The following SGCD variants were observed in gnomAD, a reference collection of about 807,000 sequenced individuals.
SGCD encodes the protein sarcoglycan delta, also known as delta-sarcoglycan.
In SGCD, 18 loss-of-function variants were observed where a neutral mutation model predicts 36.6. The observed-to-expected ratio is 0.49, with a 90% CI of 0.34 to 0.73. SGCD has a LOEUF of 0.73. SGCD is among the 30% of genes least tolerant of loss of function. SGCD has a pLI of 0.01. For synonymous variants in SGCD, 133 were observed against 130.6 expected, an observed-to-expected ratio of 1.02 and a Z score of -0.12; for missense variants, 387 against 346.7, an observed-to-expected ratio of 1.12 and a Z score of -0.92.
At chr5:156,490,685 A>T (rs1420487155) in intron 3 of SGCD, among the ~76,000 whole-genome samples, 1 of 151,974 alleles carries the variant, frequency 6.6e-6, no homozygotes, top group African/African-American at 2.4e-5. Context: ...CCAATAAATT[A>T]GGCATAGAAG....
intron 3 of SGCD, among the ~76,000 whole-genome samples, chr5:156,281,678 A>G (rs1362565273): frequency 6.6e-6 from 1 of 152,196 alleles, no homozygotes; most frequent in Non-Finnish European, 1.5e-5. Flanking sequence ...TATACAAAAC[A>G]TATAAAATAT....
At chr5:156,680,018 A>G (rs1427107153) in intron 7 of SGCD, among the ~76,000 whole-genome samples, 5 of 152,228 alleles carry the variant, frequency 3.3e-5, no homozygotes, top group African/African-American at 7.2e-5. Flanking sequence ...GCAAATATTC[A>G]AAGTGTAATT....
At chr5:156,517,055 A>G (rs1757207259) in intron 4 of SGCD, among the ~76,000 whole-genome samples, 1 of 152,204 alleles carries the variant, frequency 6.6e-6, no homozygotes, top group African/African-American at 2.4e-5. Context: ...TGAGCTAAAG[A>G]AGCATGTTCT....
At chr5:156,474,911 C>T (rs1755116124) in intron 3 of SGCD, among the ~76,000 whole-genome samples, 1 of 152,118 alleles carries the variant, frequency 6.6e-6, no homozygotes, top group Non-Finnish European at 1.5e-5. Context: ...CCTTGGTCTT[C>T]AGACTACAGA....
At chr5:156,141,634 T>C (rs1429769712) in intron 3 of SGCD, among the ~76,000 whole-genome samples, 1 of 152,128 alleles carries the variant, frequency 6.6e-6, no homozygotes, top group Non-Finnish European at 1.5e-5. Context: ...AGATACAAGA[T>C]AAATGGGGGA....
chr5:156,502,755 A>T (rs1756514327), intron 3 of SGCD, among the ~76,000 whole-genome samples: 1 of 152,256 alleles, frequency 6.6e-6, no homozygotes. Flanking sequence ...AAAAGATGAA[A>T]TGTTTTTTAA....
At chr5:155,986,973 G>A (rs2127563608) in intron 1 of SGCD, among the ~76,000 whole-genome samples, 1 of 152,202 alleles carries the variant, frequency 6.6e-6, no homozygotes, top group Admixed American at 6.5e-5. Context: ...CAAAAGGGCT[G>A]GAAATCATAT....
the SGCD span, among the ~76,000 whole-genome samples, chr5:155,807,728 G>A: frequency 2.6e-5 from 4 of 152,172 alleles, no homozygotes; most frequent in South Asian, 2.1e-4. Flanking sequence ...GTATATTCTT[G>A]TGGGGAACTG....
intron 6 of SGCD, among the ~76,000 whole-genome samples, chr5:156,615,123 A>G (rs1761972872): frequency 6.6e-6 from 1 of 152,218 alleles, no homozygotes; most frequent in South Asian, 2.1e-4. Flanking sequence ...TTAGACAGGA[A>G]TGGCCTTTAA....
At chr5:155,772,014 G>A in the SGCD span, among the ~76,000 whole-genome samples, 3 of 152,220 alleles carry the variant, frequency 2.0e-5, no homozygotes, top group Non-Finnish European at 2.9e-5. Context: ...TAATAATTAC[G>A]AATCTCTTTA....
At chr5:156,283,313 A>G (rs568612227) in intron 3 of SGCD, among the ~76,000 whole-genome samples, 10 of 152,292 alleles carry the variant, frequency 6.6e-5, no homozygotes, top group Non-Finnish European at 1.5e-4. Flanking sequence ...TCCTTGCCCC[A>G]AATTGAACTG....
intron 3 of SGCD, among the ~76,000 whole-genome samples, chr5:156,416,534 GA>G (rs942846580): frequency 2.2e-4 from 34 of 152,008 alleles, no homozygotes; most frequent in African/African-American, 7.7e-4. Flanking sequence ...AATTTTAAAT[GA>G]AAAAAATGGG....
the SGCD span, among the ~76,000 whole-genome samples, chr5:155,790,999 G>A: frequency 6.6e-6 from 1 of 152,138 alleles, no homozygotes; most frequent in Non-Finnish European, 1.5e-5. Flanking sequence ...GGAATGACTT[G>A]TGGTAGAATA....
the SGCD span, among the ~76,000 whole-genome samples, chr5:155,763,028 G>A: frequency 3.9e-5 from 6 of 152,164 alleles, no homozygotes; most frequent in Admixed American, 1.3e-4. Context: ...ACAATATGCT[G>A]AGAGCAGAAA....
At chr5:156,294,764 G>C (rs188024277) in intron 3 of SGCD, among the ~76,000 whole-genome samples, 1 of 152,190 alleles carries the variant, frequency 6.6e-6, no homozygotes, top group East Asian at 1.9e-4. Flanking sequence ...GCTTCATTCT[G>C]TTAATACGTT....
intron 3 of SGCD, among the ~76,000 whole-genome samples, chr5:156,153,254 T>G (rs79640986): frequency 8.3e-5 from 11 of 132,092 alleles, no homozygotes; most frequent in Non-Finnish European, 1.4e-4. Flanking sequence ...AAAAATGTTG[T>G]TTTTTTTTTT....
chr5:156,329,482 G>T, intron 1 of SGCD, 52 bp from the exon 2 acceptor site: 1 of 1,252,432 alleles, frequency 8.0e-7, no homozygotes, highest in South Asian at 1.2e-5. Flanking sequence ...CCTAGGCAAG[G>T]AGGGGGCAGG....
At chr5:156,737,140 A>T (rs769637374) in intron 7 of SGCD, among the ~76,000 whole-genome samples, 8 of 152,238 alleles carry the variant, frequency 5.3e-5, no homozygotes, top group Non-Finnish European at 1.2e-4. Flanking sequence ...CATCACCCAG[A>T]GTCTCTTGAC....
At chr5:155,960,901 C>G (rs1007063801) in intron 1 of SGCD, among the ~76,000 whole-genome samples, 3 of 152,072 alleles carry the variant, frequency 2.0e-5, no homozygotes, top group African/African-American at 4.8e-5. Context: ...GCCAGGCTCC[C>G]CGTCACTACT....
Sources: allele counts gnomAD v4.1 joint callset (sites outside exome capture counted in the v4.1 genomes callset), GRCh38; gene constraint gnomAD v4.1.1; transcripts MANE v1.5; gene names NCBI Gene and HGNC (gene_info 2026-07-23, HGNC 2026-07-21).